NEURL1: variants seen among roughly 807,000 people sequenced by gnomAD.
NEURL1 encodes the protein neuralized E3 ubiquitin protein ligase 1.
NEURL1 carries 26 observed loss-of-function variants against 41.2 expected under a neutral mutation model. That is an observed-to-expected ratio of 0.63 (90% CI 0.46 to 0.87). The LOEUF (loss-of-function observed/expected upper bound fraction) is 0.87. Ranked by LOEUF, NEURL1 falls within the 40% of genes least tolerant of loss-of-function variation. NEURL1 has a pLI of 0.00. For synonymous variants in NEURL1, 400 were observed against 402.3 expected, an observed-to-expected ratio of 0.99 and a Z score of 0.07; for missense variants, 761 against 871.1, an observed-to-expected ratio of 0.87 and a Z score of 1.59.
At chr10:103,520,779 C>T (rs1161572461) in intron 1 of NEURL1, among the ~76,000 whole-genome samples, 1 of 151,924 alleles carries the variant, frequency 6.6e-6, no homozygotes, top group Non-Finnish European at 1.5e-5. Flanking sequence ...TTAGGGTTGG[C>T]GTGGGAACCT....
chr10:103,545,404 A>G lies in NEURL1; in HGVS notation c.86-25468A>G, dbSNP rs916776382. Among the ~76,000 whole-genome samples the G allele has an allele frequency of 8.5e-5, 13 of 152,326 alleles. No homozygotes were observed. The highest frequency in any genetic ancestry group is 3.1e-4 in the African/African-American group (13 of 41,568). ...TGTGAGGTTGTCTGGGGTTGGGGTC[A>G]GGGACTCAGTCTAGGGCTAGGACTG... is the stretch of plus-strand genomic sequence containing the variant. On this transcript the variant is annotated intron_variant, in intron 1 of 5. Transcript: ENST00000369780. The surrounding 1 kb of genome is among the most constrained non-coding windows in gnomAD (Gnocchi z 4.5).
Position 103,590,494 on chromosome 10 carries a change from A to C in NEURL1, c.*122A>C. The C allele has an allele frequency of 5.5e-6, 4 of 721,992 alleles. No individual in the cohort carries two copies. Among genetic ancestry groups the C allele is most frequent in the Non-Finnish European group, 9.3e-6 (4 of 431,596 alleles). The allele number at this position is 721,992 out of a possible 1,614,324, so 44.7% of individuals were successfully genotyped here. A position where few individuals can be genotyped will look rare whatever the true frequency, so the allele number is the denominator to read the frequency against. On this transcript the variant is annotated 3_prime_UTR_variant, in exon 6 of 6. Transcript: ENST00000369780. ...TTGGAAACTTTTCCTCCTCTATTAA[A>C]CATGGGAAACTGAAGCCCTTGAAGG... is the stretch of plus-strand genomic sequence containing the variant.
Position 103,498,036 on chromosome 10 carries a change from G to T in NEURL1, c.85+3564G>T, listed in dbSNP as rs1439218185. The stretch of plus-strand genomic sequence containing the variant: ...ACAGTAAAGGCTTGGAGGGGCTTGA[G>T]CGTATATCTATATATTACATGAAAT... On this transcript the variant is annotated intron_variant, in intron 1 of 5. Coordinates refer to ENST00000369780, the MANE Select transcript of NEURL1 (RefSeq NM_004210.5). 3.3e-5 allele frequency among the ~76,000 whole-genome samples: 5 copies of T among 152,232 alleles called. No individual in the cohort carries two copies. In the East Asian group the frequency reaches 9.6e-4, roughly 29 times the overall value.
At chr10:103,496,364 G>A (rs1437238052) in intron 1 of NEURL1, among the ~76,000 whole-genome samples, 5 of 152,144 alleles carry the variant, frequency 3.3e-5, no homozygotes, top group South Asian at 4.1e-4. Flanking sequence ...ACAGTATAAC[G>A]ACAGAATACA....
intron 1 of NEURL1, among the ~76,000 whole-genome samples, chr10:103,541,162 A>G (rs1367340481): frequency 6.6e-6 from 1 of 152,234 alleles, no homozygotes; most frequent in Non-Finnish European, 1.5e-5. Flanking sequence ...GAAGGGACAC[A>G]CAACTGGGTA....
chr10:103,507,720 C>T (rs776837819), intron 1 of NEURL1, among the ~76,000 whole-genome samples: 7 of 152,200 alleles, frequency 4.6e-5, no homozygotes, highest in Non-Finnish European at 8.8e-5. Context: ...TCCATCCCTA[C>T]CCCTTGGGAC....
In NEURL1 at chr10:103,508,216, T is replaced by C. The variant is rs1375157853; in HGVS notation, c.85+13744T>C. On this transcript the variant is annotated intron_variant, in intron 1 of 5. Transcript: ENST00000369780. The surrounding 1 kb of genome is among the most constrained non-coding windows in gnomAD (Gnocchi z 4.3). ...TCAGGTCCCTCGAATTTGAAAAGCA[T>C]GTAACCAACCCCTCTCCCCTCCCAT... Among the ~76,000 whole-genome samples the C allele has an allele frequency of 6.6e-6, 1 of 152,170 alleles. No individual in the cohort carries two copies. Among genetic ancestry groups the C allele is most frequent in the Admixed American group, 6.5e-5 (1 of 15,284 alleles).
chr10:103,495,760 T>A (rs186392148), intron 1 of NEURL1, among the ~76,000 whole-genome samples: 236 of 152,336 alleles, frequency 1.5e-3, no homozygotes, highest in African/African-American at 5.5e-3. Context: ...TCAGTGGATT[T>A]GTTGTGTCTT....
intron 1 of NEURL1, among the ~76,000 whole-genome samples, chr10:103,537,912 C>T (rs186229464): frequency 5.3e-5 from 8 of 152,040 alleles, no homozygotes; most frequent in Non-Finnish European, 1.0e-4. Flanking sequence ...CTGCACCCCC[C>T]GCCTCTGCCA....
rs1161937243 is a variant in NEURL1, at chr10:103,493,831, C to T, written c.-557C>T. 1 of 151,846 alleles carries T rather than the reference C, an allele frequency of 6.6e-6. No individual in the cohort carries two copies. The highest frequency in any genetic ancestry group is 1.9e-4 in the East Asian group (1 of 5,166). 9.4% of individuals were successfully genotyped at this position (151,846 alleles called of 1,614,324 possible). On this transcript the variant is annotated 5_prime_UTR_variant, in exon 1 of 6. Coordinates refer to ENST00000369780, the MANE Select transcript of NEURL1 (RefSeq NM_004210.5). Reference sequence around the variant, plus strand: ...CCGGCGCGGGCGGGACCGCGGCGGTCGGGGGACACCAGCTGCGTCGGAGCG... The same window carrying T: ...CCGGCGCGGGCGGGACCGCGGCGGTTGGGGGACACCAGCTGCGTCGGAGCG...
At chr10:103,520,764 C>A (rs570708824) in intron 1 of NEURL1, among the ~76,000 whole-genome samples, 4 of 152,004 alleles carry the variant, frequency 2.6e-5, no homozygotes, top group African/African-American at 9.7e-5. Flanking sequence ...CTGCTTCCAG[C>A]GGGATTAGGG....
At position 103,494,450 on chromosome 10, in the gene NEURL1, G is replaced by C; in HGVS notation, c.63G>C (p.Arg21=). Residue 21 remains arginine, a synonymous_variant, in exon 1 of 6, where the codon CGG becomes CGC. Coordinates refer to ENST00000369780, the MANE Select transcript of NEURL1 (RefSeq NM_004210.5). ...GAGGAAACCCGAGCCGCGCGCCGCG[G>C]GGCCACCCCCAGAACCTCAAAGGTA... ...LPRGNPSRAP[R]GHPQNLKDSI... is the part of the protein sequence containing the mutation. 2 of 1,595,274 alleles carry C rather than the reference G, an allele frequency of 1.3e-6. No individual in the cohort carries two copies. Among genetic ancestry groups the C allele is most frequent in the Non-Finnish European group, 1.7e-6 (2 of 1,171,294 alleles).
chr10:103,516,796 G>A (rs1225928452), intron 1 of NEURL1, among the ~76,000 whole-genome samples: 2 of 152,098 alleles, frequency 1.3e-5, no homozygotes, highest in Non-Finnish European at 2.9e-5. Flanking sequence ...TACGATTCTG[G>A]AAGAAAGAAA....
Position 103,558,238 on chromosome 10 carries a change from G to C in NEURL1, c.86-12634G>C. 1 of 985,360 alleles carries C rather than the reference G, an allele frequency of 1.0e-6. No homozygotes were observed. Among genetic ancestry groups the C allele is most frequent in the Non-Finnish European group, 1.2e-6 (1 of 829,970 alleles). 61.0% of individuals were successfully genotyped at this position (985,360 alleles called of 1,614,324 possible). A position where few individuals can be genotyped will look rare whatever the true frequency, so the allele number is the denominator to read the frequency against. ...TGATTCGGGCCAAACATTTTGGATT[G>C]CTGCGTTAAAGTGAGTGAGGGGAGG... On this transcript the variant is annotated intron_variant, in intron 1 of 5. Transcript: ENST00000369780. This position sits in a 1 kb window ranked among gnomAD's most constrained non-coding sequence, Gnocchi z 4.2.
chr10:103,558,032 C>T lies in NEURL1; in HGVS notation c.86-12840C>T, dbSNP rs1017106472. ...TAGCTGGGATCACAGGCACCCACCA[C>T]CATGCCCGGCTAATTTTTTGTATTT... On this transcript the variant is annotated intron_variant, in intron 1 of 5. Transcript: ENST00000369780. This position sits in a 1 kb window ranked among gnomAD's most constrained non-coding sequence, Gnocchi z 4.2. The T allele has an allele frequency of 4.7e-6, 1 of 212,586 alleles. No homozygotes were observed. Among genetic ancestry groups the T allele is most frequent in the South Asian group, 1.7e-4 (1 of 5,984 alleles). The allele number at this position is 212,586 out of a possible 1,614,324, so 13.2% of individuals were successfully genotyped here. A position where few individuals can be genotyped will look rare whatever the true frequency, so the allele number is the denominator to read the frequency against.
intron 1 of NEURL1, among the ~76,000 whole-genome samples, chr10:103,560,259 G>C (rs974887962): frequency 6.6e-6 from 1 of 152,186 alleles, no homozygotes; most frequent in African/African-American, 2.4e-5. Context: ...GGCCTGGCCT[G>C]GGGGGCTGGA....
intron 1 of NEURL1, among the ~76,000 whole-genome samples, chr10:103,542,096 C>G (rs1362611956): frequency 6.6e-6 from 1 of 152,196 alleles, no homozygotes; most frequent in African/African-American, 2.4e-5. Context: ...GTCACCTGGC[C>G]ATTCTTGACC....
intron 1 of NEURL1, among the ~76,000 whole-genome samples, chr10:103,551,839 G>A (rs2035038341): frequency 6.6e-6 from 1 of 152,142 alleles, no homozygotes; most frequent in South Asian, 2.1e-4. Context: ...AGTGTCAAAG[G>A]CCTGGGGGCC....
chr10:103,524,213 T>C (rs1341613829), intron 1 of NEURL1, among the ~76,000 whole-genome samples: 1 of 152,222 alleles, frequency 6.6e-6, no homozygotes, highest in African/African-American at 2.4e-5. Flanking sequence ...TTTAAAAATA[T>C]ATACTTGTTG....
Sources: gnomAD v4.1 joint callset for allele counts (sites outside exome capture counted in the v4.1 genomes callset) on GRCh38, gnomAD v4.1.1 for gene constraint, Gnocchi (gnomAD v3.1) non-coding constraint, MANE v1.5 for transcripts, NCBI Gene and HGNC (gene_info 2026-07-23, HGNC 2026-07-21) for gene names.